NBEAL1: variants seen among roughly 807,000 people sequenced by gnomAD.
The protein encoded by NBEAL1 is neurobeachin like 1.
NBEAL1 carries 273 observed loss-of-function variants against 351.3 expected under a neutral mutation model. That is an observed-to-expected ratio of 0.78 (90% CI 0.70 to 0.86). NBEAL1 has a LOEUF of 0.86. NBEAL1 is among the 40% of genes least tolerant of loss of function. The pLI, the probability that NBEAL1 is intolerant of heterozygous loss-of-function variation, is 0.00. For missense variants in NBEAL1, 2,961 were observed against 3,201.3 expected (o/e 0.92, Z 1.81); for synonymous variants, 1,050 against 1,086.4 (o/e 0.97, Z 0.66).
intron 17 of NBEAL1, among the ~76,000 whole-genome samples, chr2:203,115,721 G>A (rs1027741605): frequency 6.6e-6 from 1 of 152,118 alleles, no homozygotes; most frequent in Non-Finnish European, 1.5e-5. Context: ...TGAGCTGTGG[G>A]ATTACAGGCT....
intron 17 of NBEAL1, among the ~76,000 whole-genome samples, chr2:203,114,177 A>C (rs1165537573): frequency 2.0e-5 from 3 of 152,132 alleles, no homozygotes; most frequent in Admixed American, 6.5e-5. Context: ...CATCCCGATG[A>C]CTTCATTTAA....
At chr2:203,020,385 T>G (rs992768441) in intron 2 of NBEAL1, among the ~76,000 whole-genome samples, 1 of 152,164 alleles carries the variant, frequency 6.6e-6, no homozygotes, top group Non-Finnish European at 1.5e-5. Context: ...TCAAGTTGTA[T>G]AGTCTGAACC....
At chr2:203,020,331 C>T (rs2060747782) in intron 2 of NBEAL1, among the ~76,000 whole-genome samples, 1 of 152,136 alleles carries the variant, frequency 6.6e-6, no homozygotes, top group Non-Finnish European at 1.5e-5. Flanking sequence ...ACCCAACAGT[C>T]CTGCTTTCTA....
chr2:203,084,647 A>C, intron 10 of NBEAL1, 78 bp downstream of exon 10: 1 of 669,168 alleles, frequency 1.5e-6, no homozygotes, highest in Non-Finnish European at 2.3e-6. Flanking sequence ...ATTTGAACAT[A>C]TTTTTACTAA....
intron 4 of NBEAL1, among the ~76,000 whole-genome samples, chr2:203,051,308 C>T (rs2061319361): frequency 6.6e-6 from 1 of 151,990 alleles, no homozygotes; most frequent in Non-Finnish European, 1.5e-5. Context: ...CTTTGGAAGG[C>T]CGAGGAGGTG....
intron 6 of NBEAL1, among the ~76,000 whole-genome samples, chr2:203,060,749 G>A (rs540516961): frequency 1.2e-4 from 19 of 152,278 alleles, no homozygotes; most frequent in Non-Finnish European, 2.1e-4. Flanking sequence ...TTCCACTTAC[G>A]TGCATTTGTG....
At chr2:203,145,299 G>A (rs944881454) in intron 33 of NBEAL1, 139 bp downstream of exon 33, 6 of 754,948 alleles carry the variant, frequency 7.9e-6, no homozygotes, top group Non-Finnish European at 1.2e-5. Flanking sequence ...AGAATTAGAA[G>A]AAAAACAGCT....
chr2:203,039,697 T>C (rs1416807788), intron 2 of NBEAL1, among the ~76,000 whole-genome samples: 1 of 152,222 alleles, frequency 6.6e-6, no homozygotes. Flanking sequence ...CCTGGTGTAT[T>C]TTCTTCTAGA....
chr2:203,158,935 G>A (rs956641702), intron 36 of NBEAL1, among the ~76,000 whole-genome samples: 9 of 145,724 alleles, frequency 6.2e-5, no homozygotes, highest in South Asian at 2.4e-4. Context: ...TCCTCCTGCC[G>A]CAGCCTCCTG....
intron 7 of NBEAL1, among the ~76,000 whole-genome samples, chr2:203,072,673 A>G (rs1390404330): frequency 1.3e-5 from 2 of 152,146 alleles, no homozygotes; most frequent in Non-Finnish European, 2.9e-5. Flanking sequence ...GCCACTTTAT[A>G]ATAAGGATCC....
chr2:203,108,222 C>G, intron 14 of NBEAL1, 34 bp downstream of exon 14: 2 of 1,423,580 alleles, frequency 1.4e-6, no homozygotes, highest in Non-Finnish European at 1.9e-6. Context: ...TAAATGAATA[C>G]TGTCATAACA....
intron 33 of NBEAL1, among the ~76,000 whole-genome samples, chr2:203,146,739 G>A (rs569596985): frequency 5.2e-4 from 79 of 152,248 alleles, no homozygotes; most frequent in Non-Finnish European, 7.9e-4. Flanking sequence ...GCTTTAGTGA[G>A]CCATGATCCC....
intron 7 of NBEAL1, among the ~76,000 whole-genome samples, chr2:203,076,538 A>G (rs2106149390): frequency 6.6e-6 from 1 of 150,818 alleles, no homozygotes; most frequent in Middle Eastern, 3.5e-3. Flanking sequence ...GAATGTATTA[A>G]GTTAAAAAGC....
intron 35 of NBEAL1, among the ~76,000 whole-genome samples, chr2:203,155,103 C>T (rs1045466767): frequency 6.6e-6 from 1 of 151,502 alleles, no homozygotes; most frequent in Non-Finnish European, 1.5e-5. Flanking sequence ...TAAAAGTCAG[C>T]TGGGTGCAGT....
intron 34 of NBEAL1, among the ~76,000 whole-genome samples, chr2:203,151,148 T>A (rs1243789798): frequency 2.6e-5 from 4 of 152,126 alleles, no homozygotes; most frequent in African/African-American, 9.7e-5. Context: ...CTGACCAACA[T>A]GGCAAAACCC....
Position 203,190,299 on chromosome 2 carries a change from G to A in NBEAL1, c.6831G>A (p.Val2277=), listed in dbSNP as rs748818062. The stretch of plus-strand genomic sequence containing the variant: ...GACTTCTTCTGGTTTTAGGAGCTGT[G>A]GATCTGGATGCCTTAACAGATGAGA... ...VFYYCSYEGA[V]DLDALTDEKE... is the part of the protein sequence containing the mutation. The change falls in exon 46 of 56, where the codon GTG becomes GTA. Residue 2277 remains valine, a synonymous_variant. Coordinates refer to ENST00000683969, the MANE Select transcript of NBEAL1 (RefSeq NM_001378026.1). 1.2e-5 allele frequency: 20 copies of A among 1,606,806 alleles called. No individual in the cohort carries two copies. Among genetic ancestry groups the A allele is most frequent in the Non-Finnish European group, 1.0e-5 (12 of 1,178,124 alleles).
At chr2:203,029,855 G>A (rs1224648144) in intron 2 of NBEAL1, among the ~76,000 whole-genome samples, 1 of 152,120 alleles carries the variant, frequency 6.6e-6, no homozygotes, top group Non-Finnish European at 1.5e-5. Flanking sequence ...TCTTGGATGT[G>A]ATGGGTTTTC....
At chr2:203,201,508 G>C in intron 49 of NBEAL1, 35 bp from the exon 50 acceptor site, 1 of 1,467,324 alleles carries the variant, frequency 6.8e-7, no homozygotes, top group South Asian at 1.6e-5. Flanking sequence ...ACGTGATCTT[G>C]TAAGGAAAAG....
intron 16 of NBEAL1, 140 bp downstream of exon 16, chr2:203,112,238 C>T (rs889274116): frequency 2.6e-6 from 2 of 780,444 alleles, no homozygotes; most frequent in African/African-American, 1.8e-5. Flanking sequence ...AGACTCCACA[C>T]ATTAATATTC....
Sources: gnomAD v4.1 joint callset for allele counts (sites outside exome capture counted in the v4.1 genomes callset) on GRCh38, gnomAD v4.1.1 for gene constraint, MANE v1.5 for transcripts, NCBI Gene and HGNC (gene_info 2026-07-23, HGNC 2026-07-21) for gene names.